The following CLSTN2 variants were observed in gnomAD, a reference collection of about 807,000 sequenced individuals.
CLSTN2 encodes calsyntenin 2.
A neutral mutation model predicts 101.2 loss-of-function variants in CLSTN2; 48 were observed. The observed-to-expected ratio is 0.47, with a 90% confidence interval of 0.38 to 0.60. The LOEUF (loss-of-function observed/expected upper bound fraction) is 0.60, where lower values mean the gene tolerates loss of function less well. CLSTN2 is among the 20% of genes least tolerant of loss of function. CLSTN2 has a pLI of 0.00. For synonymous variants in CLSTN2, 481 were observed against 463.6 expected (o/e 1.04, Z -0.48); for missense variants, 1,160 against 1,238.2 (o/e 0.94, Z 0.95).
intron 1 of CLSTN2, among the ~76,000 whole-genome samples, chr3:140,034,994 AT>A (rs1262598996): frequency 6.6e-6 from 1 of 152,188 alleles, no homozygotes; most frequent in Non-Finnish European, 1.5e-5. Context: ...TTGGAGTTCC[AT>A]TCTTGATGGC....
At chr3:140,349,201 G>T (rs1024993163) in intron 2 of CLSTN2, among the ~76,000 whole-genome samples, 1 of 152,122 alleles carries the variant, frequency 6.6e-6, no homozygotes, top group Non-Finnish European at 1.5e-5. Flanking sequence ...CTCCATTATT[G>T]TAAGTTTCCT....
chr3:140,200,847 T>A (rs1449328210), intron 2 of CLSTN2, among the ~76,000 whole-genome samples: 1 of 152,000 alleles, frequency 6.6e-6, no homozygotes, highest in African/African-American at 2.4e-5. Flanking sequence ...TTTCTTTGGG[T>A]CTTGGCTCAG....
At chr3:140,246,005 G>A (rs748069279) in intron 2 of CLSTN2, among the ~76,000 whole-genome samples, 6 of 152,158 alleles carry the variant, frequency 3.9e-5, no homozygotes, top group Non-Finnish European at 7.3e-5. Flanking sequence ...ATTTTTTAAA[G>A]CTTGCACTCA....
chr3:140,501,734 T>C (rs1459873799), intron 8 of CLSTN2, among the ~76,000 whole-genome samples: 1 of 152,204 alleles, frequency 6.6e-6, no homozygotes, highest in African/African-American at 2.4e-5. Context: ...CAATAAATGA[T>C]TGTTTTTCTT....
At chr3:140,227,805 GC>G (rs1302248158) in intron 2 of CLSTN2, among the ~76,000 whole-genome samples, 4 of 152,178 alleles carry the variant, frequency 2.6e-5, no homozygotes, top group Non-Finnish European at 2.9e-5. Flanking sequence ...AAGGCTTGGG[GC>G]TTCCACCCTC....
intron 1 of CLSTN2, among the ~76,000 whole-genome samples, chr3:140,015,735 GGGCCC>G (rs2007187303): frequency 6.6e-6 from 1 of 152,248 alleles, no homozygotes; most frequent in Non-Finnish European, 1.5e-5. Context: ...GCTGGGCCTA[GGGCCC>G]GATGATCAGG....
intron 1 of CLSTN2, among the ~76,000 whole-genome samples, chr3:139,987,244 A>G (rs1315872722): frequency 6.6e-6 from 1 of 152,248 alleles, no homozygotes; most frequent in Non-Finnish European, 1.5e-5. Flanking sequence ...TTCTGGTTGC[A>G]TGATGCTTTT....
At chr3:140,471,453 A>G (rs1294512599) in intron 8 of CLSTN2, among the ~76,000 whole-genome samples, 1 of 152,162 alleles carries the variant, frequency 6.6e-6, no homozygotes, top group Non-Finnish European at 1.5e-5. Flanking sequence ...AAAAAAGTGC[A>G]TCTCTGAAAA....
Position 139,969,245 on chromosome 3 carries a change from G to A in CLSTN2, c.109+33762G>A, listed in dbSNP as rs117724881. On this transcript the variant is annotated intron_variant, in intron 1 of 16. Transcript: ENST00000458420. Reference sequence around the variant, plus strand: ...TGCTACCAAAAGTAAAGCCTCCCACGTTGCCAGTCACTGCTACATTTTGTC... The same window carrying A: ...TGCTACCAAAAGTAAAGCCTCCCACATTGCCAGTCACTGCTACATTTTGTC... Among the ~76,000 whole-genome samples, 994 of 152,210 alleles carry A rather than the reference G, an allele frequency of 6.5e-3. 12 individuals are homozygous for A. The highest frequency in any genetic ancestry group is 0.041 in the East Asian group (212 of 5,178).
Position 140,381,273 on chromosome 3 carries a change from CAT to C in CLSTN2, c.233-22353_233-22352del, listed in dbSNP as rs766352698. On this transcript the variant is annotated intron_variant, in intron 2 of 16. Transcript: ENST00000458420. The stretch of plus-strand genomic sequence containing the variant: ...TTTCCCCTTTTGATAAGTACATAGT[CAT>C]ATTGGATTAGAGCCCACCCTAGTGA... Among the ~76,000 whole-genome samples the C allele has an allele frequency of 2.7e-3, 414 of 152,300 alleles. 5 individuals are homozygous for C. Among genetic ancestry groups the C allele is most frequent in the Non-Finnish European group, 4.4e-3 (297 of 68,026 alleles).
intron 1 of CLSTN2, among the ~76,000 whole-genome samples, chr3:140,111,726 G>A (rs2009159460): frequency 6.6e-6 from 1 of 152,098 alleles, no homozygotes. Flanking sequence ...AGCAGTCAAG[G>A]TATAGTTGAA....
At chr3:140,094,875 G>A (rs1392831859) in intron 1 of CLSTN2, among the ~76,000 whole-genome samples, 1 of 152,206 alleles carries the variant, frequency 6.6e-6, no homozygotes. Context: ...ATAGCAAACT[G>A]ACTTTCCGTA....
intron 1 of CLSTN2, among the ~76,000 whole-genome samples, chr3:140,106,990 T>G (rs2009069850): frequency 6.6e-6 from 1 of 152,204 alleles, no homozygotes; most frequent in Admixed American, 6.5e-5. Context: ...CATGACAATT[T>G]GTCCTTTTTT....
At chr3:140,378,968 T>C (rs1310818348) in intron 2 of CLSTN2, among the ~76,000 whole-genome samples, 1 of 152,224 alleles carries the variant, frequency 6.6e-6, no homozygotes, top group African/African-American at 2.4e-5. Flanking sequence ...ACTTAAATCA[T>C]AGCCTCAACT....
intron 1 of CLSTN2, among the ~76,000 whole-genome samples, chr3:139,978,624 G>A (rs1245577545): frequency 6.7e-6 from 1 of 148,538 alleles, no homozygotes; most frequent in African/African-American, 2.5e-5. Context: ...AACTAACTCT[G>A]CTGGGAGGAT....
chr3:140,192,806 G>T (rs574654707), intron 2 of CLSTN2, among the ~76,000 whole-genome samples: 85 of 151,920 alleles, frequency 5.6e-4, no homozygotes, highest in Middle Eastern at 3.4e-3. Flanking sequence ...ATATGGTAGG[G>T]TTTAGATCTG....
rs377465659 is a variant in CLSTN2, at chr3:140,459,711, C to A, written c.1164C>A (p.Gly388=). ...CCATCACCATGTGGATGAAACACGG[C>A]CCCAGCCCTGGTGTGAGAGCCGAGA... ...QFTITMWMKH[G]PSPGVRAEKE... Residue 388 remains glycine, a synonymous_variant, in exon 7 of 17, where the codon GGC becomes GGA. Coordinates refer to ENST00000458420, the MANE Select transcript of CLSTN2 (RefSeq NM_022131.3). The A allele has an allele frequency of 1.6e-5, 26 of 1,614,040 alleles. No individual in the cohort carries two copies. The African/African-American group carries it at 3.2e-4, about 20-fold the overall frequency.
chr3:140,524,442 A>G (rs900621570), intron 8 of CLSTN2, among the ~76,000 whole-genome samples: 3 of 152,218 alleles, frequency 2.0e-5, no homozygotes, highest in African/African-American at 7.2e-5. Flanking sequence ...TTACAATAAG[A>G]TTATATGTTC....
chr3:140,555,548 T>C (rs1166052591), intron 10 of CLSTN2, among the ~76,000 whole-genome samples: 2 of 152,182 alleles, frequency 1.3e-5, no homozygotes, highest in Non-Finnish European at 2.9e-5. Context: ...GAATATATTA[T>C]CTATTCAAAA....
Sources: allele counts gnomAD v4.1 joint callset (sites outside exome capture counted in the v4.1 genomes callset), GRCh38; gene constraint gnomAD v4.1.1; transcripts MANE v1.5; gene names NCBI Gene and HGNC (gene_info 2026-07-23, HGNC 2026-07-21).